CTNNA3: variants seen among roughly 807,000 people sequenced by gnomAD.
CTNNA3 encodes the protein catenin alpha-3.
A neutral mutation model predicts 95.7 loss-of-function variants in CTNNA3; 76 were observed. That is an observed-to-expected ratio of 0.79 (90% confidence interval 0.66 to 0.96). The LOEUF (loss-of-function observed/expected upper bound fraction) is 0.96, where lower values mean the gene tolerates loss of function less well. CTNNA3 is among the 40% of genes least tolerant of loss of function. CTNNA3 has a pLI of 0.00. For missense variants in CTNNA3, 1,191 were observed against 1,089.8 expected, an observed-to-expected ratio of 1.09 and a Z score of -1.31; for synonymous variants, 431 against 374.4, an observed-to-expected ratio of 1.15 and a Z score of -1.74.
chr10:66,743,533 C>T (rs1452576193), intron 9 of CTNNA3, among the ~76,000 whole-genome samples: 1 of 152,126 alleles, frequency 6.6e-6, no homozygotes, highest in African/African-American at 2.4e-5. Flanking sequence ...CTTGAACAGA[C>T]CTGACTTGCC....
intron 5 of CTNNA3, among the ~76,000 whole-genome samples, chr10:67,471,459 C>T (rs1847824711): frequency 6.6e-6 from 1 of 152,214 alleles, no homozygotes; most frequent in Admixed American, 6.5e-5. Flanking sequence ...AGCAGTGGTG[C>T]TAGACTATCG....
intron 13 of CTNNA3, among the ~76,000 whole-genome samples, chr10:66,238,019 A>G (rs187771916): frequency 1.2e-4 from 19 of 152,192 alleles, no homozygotes; most frequent in African/African-American, 3.8e-4. Context: ...ATTTCAACAT[A>G]TAAAATAATC....
intron 9 of CTNNA3, among the ~76,000 whole-genome samples, chr10:66,668,457 T>TGTGTGTGTGTGTGTGTGA (rs777242549): frequency 5.3e-5 from 8 of 149,826 alleles, no homozygotes; most frequent in African/African-American, 1.7e-4. Flanking sequence ...TGTGTGTGTG[T>TGTGTGTGTGTGTGTGTGA]GATACACATC....
intron 17 of CTNNA3, among the ~76,000 whole-genome samples, chr10:65,958,108 T>G (rs943270612): frequency 1.4e-4 from 21 of 152,152 alleles, no homozygotes; most frequent in Admixed American, 2.6e-4. Flanking sequence ...TCTCTAAACT[T>G]CTCTTCTCAC....
chr10:67,684,520 C>G (rs1840692267), intron 1 of CTNNA3, among the ~76,000 whole-genome samples: 1 of 152,210 alleles, frequency 6.6e-6, no homozygotes, highest in Non-Finnish European at 1.5e-5. Flanking sequence ...CTCTCAATCC[C>G]CCCTCTAAAC....
intron 5 of CTNNA3, among the ~76,000 whole-genome samples, chr10:67,315,857 C>T (rs1841026826): frequency 6.6e-6 from 1 of 152,084 alleles, no homozygotes; most frequent in African/African-American, 2.4e-5. Context: ...GATTGCACTG[C>T]TTTAATATGT....
intron 5 of CTNNA3, among the ~76,000 whole-genome samples, chr10:67,487,364 G>C (rs1003800021): frequency 6.6e-6 from 1 of 152,168 alleles, no homozygotes; most frequent in Non-Finnish European, 1.5e-5. Context: ...TTAAGCTTTT[G>C]CTGGCTGAGA....
At chr10:67,069,882 T>A (rs1401225849) in intron 7 of CTNNA3, among the ~76,000 whole-genome samples, 1 of 152,208 alleles carries the variant, frequency 6.6e-6, no homozygotes, top group East Asian at 1.9e-4. Flanking sequence ...AACACTTTTG[T>A]ACATCTTTTG....
intron 1 of CTNNA3, among the ~76,000 whole-genome samples, chr10:67,688,222 G>C (rs191693597): frequency 6.6e-6 from 1 of 152,070 alleles, no homozygotes; most frequent in Admixed American, 6.5e-5. Context: ...ACATGTACCC[G>C]GGTTGGGCCA....
intron 10 of CTNNA3, among the ~76,000 whole-genome samples, chr10:66,540,883 T>C (rs1307449532): frequency 1.3e-5 from 2 of 152,144 alleles, no homozygotes; most frequent in Non-Finnish European, 2.9e-5. Flanking sequence ...TCAGGCTTTA[T>C]CTTTTAAAAG....
At chr10:67,449,962 AC>A (rs933884904) in intron 5 of CTNNA3, among the ~76,000 whole-genome samples, 1 of 152,106 alleles carries the variant, frequency 6.6e-6, no homozygotes, top group African/African-American at 2.4e-5. Context: ...AAAACAAATA[AC>A]CCCATTAAAA....
chr10:67,656,308 T>C (rs1840023839), intron 1 of CTNNA3, among the ~76,000 whole-genome samples: 1 of 152,208 alleles, frequency 6.6e-6, no homozygotes, highest in Non-Finnish European at 1.5e-5. Flanking sequence ...TCCTGGACTT[T>C]ACAAATATTT....
chr10:66,670,834 C>T (rs975686895), intron 9 of CTNNA3, among the ~76,000 whole-genome samples: 1 of 152,194 alleles, frequency 6.6e-6, no homozygotes, highest in African/African-American at 2.4e-5. Flanking sequence ...AACAGACCTG[C>T]CAACCAGAAA....
intron 7 of CTNNA3, among the ~76,000 whole-genome samples, chr10:67,089,901 T>C (rs1486599912): frequency 6.6e-6 from 1 of 151,972 alleles, no homozygotes; most frequent in Admixed American, 6.6e-5. Flanking sequence ...GTTCTCCATT[T>C]CCCAGTCCTG....
chr10:66,963,147 C>T (rs573828438), intron 7 of CTNNA3, among the ~76,000 whole-genome samples: 2 of 152,274 alleles, frequency 1.3e-5, no homozygotes, highest in South Asian at 2.1e-4. Context: ...AAAGCTAGTA[C>T]TTACAGTATT....
At chr10:67,281,601 A>G (rs1461782730) in intron 5 of CTNNA3, among the ~76,000 whole-genome samples, 4 of 151,942 alleles carry the variant, frequency 2.6e-5, no homozygotes, top group African/African-American at 9.7e-5. Flanking sequence ...TTCAGCAGGG[A>G]CTCCTTATTA....
chr10:66,533,887 A>C (rs536907519), intron 10 of CTNNA3, among the ~76,000 whole-genome samples: 19 of 152,302 alleles, frequency 1.2e-4, no homozygotes, highest in African/African-American at 4.6e-4. Flanking sequence ...CCTGGGCAAC[A>C]TAGCAAGACC....
intron 3 of CTNNA3, among the ~76,000 whole-genome samples, chr10:67,551,193 G>A (rs1423846718): frequency 6.6e-6 from 1 of 152,126 alleles, no homozygotes; most frequent in East Asian, 1.9e-4. Context: ...AACACATCTT[G>A]GTGGAGGAAT....
intron 1 of CTNNA3, among the ~76,000 whole-genome samples, chr10:67,692,210 T>A (rs1161094275): frequency 2.0e-5 from 3 of 149,830 alleles, no homozygotes; most frequent in African/African-American, 7.4e-5. Context: ...GGAGCCCCTC[T>A]GCCCGGCCAC....
Sources: gnomAD v4.1 joint callset for allele counts (sites outside exome capture counted in the v4.1 genomes callset) on GRCh38, gnomAD v4.1.1 for gene constraint, MANE v1.5 for transcripts, NCBI Gene and HGNC (gene_info 2026-07-23, HGNC 2026-07-21) for gene names.